Variants in GCSAML observed in about 807,000 individuals in gnomAD.
GCSAML encodes the protein germinal center associated signaling and motility like.
A neutral mutation model predicts 13.0 loss-of-function variants in GCSAML; 9 were observed. The ratio of observed to expected loss-of-function variants is 0.69; its 90% CI spans 0.42 to 1.21. GCSAML has a LOEUF of 1.21. Ranked by LOEUF, GCSAML falls within the 50% of genes most tolerant of loss-of-function variation. The probability of loss-of-function intolerance (pLI) is 0.00; values close to 1 mark genes in which losing one functional copy is unlikely to be tolerated. For missense variants in GCSAML, 143 were observed against 153.4 expected (o/e 0.93, Z 0.36); for synonymous variants, 37 against 52.9 (o/e 0.70, Z 1.31).
chr1:247,507,066 T>C (rs998512673), upstream of GCSAML: 14 of 152,230 alleles, frequency 9.2e-5, no homozygotes, highest in Non-Finnish European at 1.5e-5. Flanking sequence ...GTTTTCCCTT[T>C]GATACCCTCT....
chr1:247,531,722 C>G (rs755636356), intron 2 of GCSAML: 1 of 1,614,194 alleles, frequency 6.2e-7, no homozygotes, highest in Non-Finnish European at 8.5e-7. Flanking sequence ...GTGCTCTTGG[C>G]TGGCTGGAGA....
At position 247,575,354 on chromosome 1, in the gene GCSAML, T is replaced by C. The variant is rs1412311941; in HGVS notation, c.*972T>C. On this transcript the variant is annotated 3_prime_UTR_variant, in exon 5 of 5. Coordinates refer to ENST00000366488, the MANE Select transcript of GCSAML (RefSeq NM_145278.5). ...GGTTACCAATAAGTCTCCACAAATA[T>C]ATGTCCAAGAATCTTCAATTCCAAG... The C allele has an allele frequency of 1.3e-5, 2 of 152,142 alleles. No individual in the cohort carries two copies. The highest frequency in any genetic ancestry group is 2.9e-5 in the Non-Finnish European group (2 of 68,030). 9.4% of individuals were successfully genotyped at this position (152,142 alleles called of 1,614,324 possible). A position where few individuals can be genotyped will look rare whatever the true frequency, so the allele number is the denominator to read the frequency against.
intron 4 of GCSAML, among the ~76,000 whole-genome samples, chr1:247,571,709 G>C (rs1668621080): frequency 6.6e-6 from 1 of 152,164 alleles, no homozygotes; most frequent in Non-Finnish European, 1.5e-5. Context: ...GTATCTTTGT[G>C]ATGTTCTCTG....
At chr1:247,518,174 C>T (rs905226740) in intron 1 of GCSAML, among the ~76,000 whole-genome samples, 2 of 152,232 alleles carry the variant, frequency 1.3e-5, no homozygotes, top group African/African-American at 4.8e-5. Flanking sequence ...CCTGGTCTGG[C>T]CTGGCCGCGC....
At chr1:247,549,277 G>A (rs892224809) in intron 1 of GCSAML, 57 bp downstream of exon 1, 1 of 1,464,444 alleles carries the variant, frequency 6.8e-7, no homozygotes, top group African/African-American at 1.4e-5. Flanking sequence ...GAGATAAGGA[G>A]GCTGGACATA....
chr1:247,561,883 G>A, intron 2 of GCSAML, among the ~76,000 whole-genome samples: 1 of 152,014 alleles, frequency 6.6e-6, no homozygotes, highest in South Asian at 2.1e-4. Context: ...CGGCTCACCC[G>A]GCGCCGCAAA....
At chr1:247,535,972 C>CG (rs1667202632) in intron 2 of GCSAML, among the ~76,000 whole-genome samples, 1 of 152,158 alleles carries the variant, frequency 6.6e-6, no homozygotes, top group African/African-American at 2.4e-5. Flanking sequence ...GTTAACTAGG[C>CG]AGTCACAAAC....
intron 1 of GCSAML, among the ~76,000 whole-genome samples, chr1:247,507,397 G>T (rs1478727152): frequency 6.6e-6 from 1 of 152,130 alleles, no homozygotes; most frequent in Non-Finnish European, 1.5e-5. Flanking sequence ...ATGTTATGAG[G>T]ACATAAATTT....
intron 2 of GCSAML, among the ~76,000 whole-genome samples, chr1:247,537,024 A>C (rs1195382585): frequency 6.6e-6 from 1 of 152,154 alleles, no homozygotes; most frequent in Admixed American, 6.6e-5. Flanking sequence ...AAGTCAGTGG[A>C]ATTAAGTTCT....
At chr1:247,531,559 G>A (rs147306837) in intron 2 of GCSAML, 1 of 1,612,914 alleles carries the variant, frequency 6.2e-7, no homozygotes, top group Non-Finnish European at 8.5e-7. Flanking sequence ...CTAAATTTGC[G>A]CCAGCTTGCC....
At chr1:247,539,480 A>G (rs1458353523) in intron 2 of GCSAML, among the ~76,000 whole-genome samples, 2 of 152,170 alleles carry the variant, frequency 1.3e-5, no homozygotes, top group Non-Finnish European at 2.9e-5. Context: ...TCTATACATG[A>G]GAGATGTTAT....
rs112414278 is a variant in GCSAML, at chr1:247,550,505, T to C, written c.29+1285T>C. Among the ~76,000 whole-genome samples, 756 of 152,050 alleles carry C rather than the reference T, an allele frequency of 5.0e-3. 15 individuals carry two copies. The East Asian group carries it at 0.067, about 13-fold the overall frequency. ...ACAAACAATTAGCCGGGCGTGGTGG[T>C]GGGCACCTGTAATCCCAGCTACTCG... is the stretch of plus-strand genomic sequence containing the variant. On this transcript the variant is annotated intron_variant, in intron 1 of 4. Coordinates refer to ENST00000366488, the MANE Select transcript of GCSAML (RefSeq NM_145278.5).
chr1:247,517,640 T>G (rs1011421644), intron 1 of GCSAML, among the ~76,000 whole-genome samples: 16 of 152,194 alleles, frequency 1.1e-4, no homozygotes, highest in African/African-American at 3.9e-4. Context: ...CTTGACTAGA[T>G]CAGAGTGCTA....
At chr1:247,555,453 C>A (rs754561925) in intron 1 of GCSAML, among the ~76,000 whole-genome samples, 5 of 152,320 alleles carry the variant, frequency 3.3e-5, no homozygotes, top group South Asian at 2.1e-4. Context: ...AAAGCCCCCA[C>A]CTCTGTAAAT....
chr1:247,515,284 A>C (rs1002036416), intron 1 of GCSAML, among the ~76,000 whole-genome samples: 4 of 152,228 alleles, frequency 2.6e-5, no homozygotes, highest in African/African-American at 7.2e-5. Flanking sequence ...ATCTCTGACA[A>C]AGTAATTGAA....
chr1:247,532,194 A>G (rs764384513), intron 2 of GCSAML: 7 of 1,614,156 alleles, frequency 4.3e-6, no homozygotes, highest in East Asian at 4.5e-5. Flanking sequence ...CCCCCAGCCA[A>G]TGGGAGATAT....
chr1:247,532,004 A>G (rs1666990309), intron 2 of GCSAML: 1 of 1,614,044 alleles, frequency 6.2e-7, no homozygotes, highest in South Asian at 1.1e-5. Context: ...TTGTTCCCAC[A>G]CAGCGGTAGG....
intron 1 of GCSAML, among the ~76,000 whole-genome samples, chr1:247,508,504 C>G (rs1665905650): frequency 6.6e-6 from 1 of 152,164 alleles, no homozygotes; most frequent in Non-Finnish European, 1.5e-5. Flanking sequence ...TGCAGAAACT[C>G]TTAAGTTTAA....
At chr1:247,548,112 T>C (rs1269835581), upstream of GCSAML, among the ~76,000 whole-genome samples, 7 of 152,294 alleles carry the variant, frequency 4.6e-5, no homozygotes, top group Non-Finnish European at 7.4e-5. This position sits in a 1 kb window ranked among gnomAD's most constrained non-coding sequence, Gnocchi z 5.3. Context: ...TTGGAATAGG[T>C]GAGCATATAG....
Sources: allele counts gnomAD v4.1 joint callset (sites outside exome capture counted in the v4.1 genomes callset), GRCh38; gene constraint gnomAD v4.1.1; non-coding constraint Gnocchi (gnomAD v3.1); transcripts MANE v1.5; gene names NCBI Gene and HGNC (gene_info 2026-07-23, HGNC 2026-07-21).